ZNF507: variants seen among roughly 807,000 people sequenced by gnomAD.
ZNF507 encodes zinc finger protein 507.
ZNF507 carries 29 observed loss-of-function variants against 80.0 expected under a neutral mutation model. That is an observed-to-expected ratio of 0.36 (90% CI 0.27 to 0.49). The LOEUF (loss-of-function observed/expected upper bound fraction) is 0.49. Ranked by LOEUF, ZNF507 falls within the 20% of genes least tolerant of loss-of-function variation. The pLI, the probability that ZNF507 is intolerant of heterozygous loss-of-function variation, is 0.98. For missense variants in ZNF507, 1,081 were observed against 1,152.2 expected, an observed-to-expected ratio of 0.94 and a Z score of 0.90; for synonymous variants, 462 against 422.5, an observed-to-expected ratio of 1.09 and a Z score of -1.15.
chr19:32,382,686 C>T, intron 6 of ZNF507, 31 bp from the exon 7 acceptor site: 1 of 1,609,644 alleles, frequency 6.2e-7, no homozygotes, highest in South Asian at 1.1e-5. Flanking sequence ...GTAGCCTCCT[C>T]ACGGTGTGCT....
rs1035554188 is a variant in ZNF507 at position 32,371,840 on chromosome 19, CG to C, written c.2361-10626del. ...ATTTTTAGTAGAGACGGGGTTTCAC[CG>C]TGTTAGCCAGGATGGTCTCAATCTC... On this transcript the variant is annotated intron_variant, in intron 5 of 6. Coordinates refer to ENST00000355898, the MANE Select transcript of ZNF507 (RefSeq NM_001136156.2). Among the ~76,000 whole-genome samples the C allele has an allele frequency of 2.4e-4, 36 of 151,846 alleles. 1 individual carries two copies. The highest frequency in any genetic ancestry group is 8.0e-4 in the African/African-American group (33 of 41,432).
intron 5 of ZNF507, among the ~76,000 whole-genome samples, chr19:32,381,404 AG>A (rs984825353): frequency 6.6e-6 from 1 of 152,180 alleles, no homozygotes; most frequent in African/African-American, 2.4e-5. Flanking sequence ...GTTCAAGACC[AG>A]CCTGGACAAC....
In ZNF507 at chr19:32,382,747, AT is replaced by A; in HGVS notation, c.2528del (p.Leu843Ter). The A allele has an allele frequency of 6.2e-7, 1 of 1,613,534 alleles. No homozygotes were observed. Among genetic ancestry groups the A allele is most frequent in the Non-Finnish European group, 8.5e-7 (1 of 1,179,718 alleles). On this transcript the variant is annotated frameshift_variant, in exon 7 of 7. Transcript: ENST00000355898. LOFTEE classifies it high-confidence loss of function. ...VLGKSPGKTQ[L>X]KSSEESADPV... ...TGGGGAAATCCCCTGGAAAGACTCA[AT>A]TAAAGAGCAGTGAAGAGAGTGCAGA...
chr19:32,349,517 GTTAC>G (rs1967135933), intron 2 of ZNF507, among the ~76,000 whole-genome samples: 1 of 152,224 alleles, frequency 6.6e-6, no homozygotes, highest in Non-Finnish European at 1.5e-5. Flanking sequence ...TTTAAATGCT[GTTAC>G]TTTTTAACTT....
intron 5 of ZNF507, among the ~76,000 whole-genome samples, chr19:32,380,009 G>A (rs1412360722): frequency 1.3e-5 from 2 of 152,022 alleles, no homozygotes; most frequent in Non-Finnish European, 2.9e-5. Flanking sequence ...TCTTCAGAGT[G>A]CCATACATAA....
Position 32,382,876 on chromosome 19 carries a change from T to C in ZNF507, c.2655T>C (p.Pro885=). ...CCAACGAGAATGAGAAACTGAGCCC[T>C]ACAAGTAATACCTCATATAGTTTAG... ...LGTNENEKLS[P]TSNTSYSLEK... is the part of the protein sequence containing the mutation. Residue 885 remains proline (P), a synonymous_variant, in exon 7 of 7, where the codon CCT becomes CCC. Coordinates refer to ENST00000355898, the MANE Select transcript of ZNF507 (RefSeq NM_001136156.2). 1 of 1,614,172 alleles carries C rather than the reference T, an allele frequency of 6.2e-7. No homozygotes were observed. The highest frequency in any genetic ancestry group is 8.5e-7 in the Non-Finnish European group (1 of 1,180,022).
At position 32,382,770 on chromosome 19, in the gene ZNF507, C is replaced by G; in HGVS notation, c.2549C>G (p.Ala850Gly). Residue 850 changes from alanine (A) to glycine (G), a missense_variant, in exon 7 of 7, where the codon GCA becomes GGA. Physicochemically the swap from Ala to Gly is moderately conservative, Grantham distance 60. This residue lies in a region of ZNF507 where 138 missense variants were observed against 158.4 expected (regional missense o/e 0.87). Coordinates refer to ENST00000355898, the MANE Select transcript of ZNF507 (RefSeq NM_001136156.2). ...CAATTAAAGAGCAGTGAAGAGAGTG[C>G]AGATCCCGTCACTGGAAGTTCAGAA... ...KTQLKSSEES[A>G]DPVTGSSENA... is the part of the protein sequence containing the mutation. The G allele has an allele frequency of 6.2e-7, 1 of 1,613,932 alleles. No homozygotes were observed. Among genetic ancestry groups the G allele is most frequent in the Non-Finnish European group, 8.5e-7 (1 of 1,179,954 alleles).
At chr19:32,361,666 CTTCCTTCCTTCCTTTCCTTCCTTCCT>C (rs1166882712) in intron 5 of ZNF507, among the ~76,000 whole-genome samples, 1 of 136,998 alleles carries the variant, frequency 7.3e-6, no homozygotes, top group Non-Finnish European at 1.6e-5. Flanking sequence ...TCCTTCTTTT[CTTCCTTCCTTCCTTTCCTTCCTTCCT>C]TTCCTTCCTT....
At chr19:32,375,964 T>C (rs2145339770) in intron 5 of ZNF507, among the ~76,000 whole-genome samples, 1 of 151,332 alleles carries the variant, frequency 6.6e-6, no homozygotes, top group Middle Eastern at 3.4e-3. Context: ...TAAACTGTGT[T>C]CTCAGAAGCT....
At chr19:32,369,944 C>CTG (rs148147046) in intron 5 of ZNF507, among the ~76,000 whole-genome samples, 28 of 151,986 alleles carry the variant, frequency 1.8e-4, no homozygotes, top group African/African-American at 6.3e-4. Flanking sequence ...CCTTCCTTCT[C>CTG]TGTGTGTGTG....
At position 32,382,766 on chromosome 19, in the gene ZNF507, A is replaced by T; in HGVS notation, c.2545A>T (p.Ser849Cys). 1.2e-6 allele frequency: 2 copies of T among 1,614,062 alleles called. No individual in the cohort carries two copies. The highest frequency in any genetic ancestry group is 1.7e-6 in the Non-Finnish European group (2 of 1,179,980). The part of the protein sequence containing the change: ...GKTQLKSSEE[S>C]ADPVTGSSEN... ...GACTCAATTAAAGAGCAGTGAAGAG[A>T]GTGCAGATCCCGTCACTGGAAGTTC... is the stretch of plus-strand genomic sequence containing the variant. The change falls in exon 7 of 7, where the codon AGT becomes TGT. Residue 849 changes from serine to cysteine, a missense_variant. Coordinates refer to ENST00000355898, the MANE Select transcript of ZNF507 (RefSeq NM_001136156.2).
At chr19:32,365,386 GT>G (rs1219953876) in intron 5 of ZNF507, among the ~76,000 whole-genome samples, 1 of 152,128 alleles carries the variant, frequency 6.6e-6, no homozygotes, top group Non-Finnish European at 1.5e-5. Context: ...TGCTTTTGGG[GT>G]TTTGGTCATG....
Position 32,354,959 on chromosome 19 carries a change from T to C in ZNF507, c.2127+2T>C, listed in dbSNP as rs770816830. 4 of 1,593,330 alleles carry C rather than the reference T, an allele frequency of 2.5e-6. No homozygotes were observed. The South Asian group carries it at 3.4e-5, about 14-fold the overall frequency. ...TGTGAAGAATCCTTCCATTATAAGGTAAGCATTGGTTCAGGAAGTCTTTCA... is the reference window on the plus strand; with the variant it reads ...TGTGAAGAATCCTTCCATTATAAGGCAAGCATTGGTTCAGGAAGTCTTTCA... On this transcript the variant is annotated splice_donor_variant, in intron 3 of 6. Coordinates refer to ENST00000355898, the MANE Select transcript of ZNF507 (RefSeq NM_001136156.2). LOFTEE classifies it high-confidence loss of function.
At position 32,352,959 on chromosome 19, in the gene ZNF507, A is replaced by G. The variant is rs1287094549; in HGVS notation, c.129A>G (p.Pro43=). Residue 43 remains proline, a synonymous_variant, in exon 3 of 7, where the codon CCA becomes CCG. Transcript: ENST00000355898. ...AACAAAGAAAAACTAAACCAGATCC[A>G]TTAATCCATGTTATCCAGAAGTTAA... ...IDEQRKTKPD[P]LIHVIQKLSK... 1.2e-6 allele frequency: 2 copies of G among 1,614,202 alleles called. No homozygotes were observed. Among genetic ancestry groups the G allele is most frequent in the Non-Finnish European group, 8.5e-7 (1 of 1,180,052 alleles).
chr19:32,375,600 T>C (rs1967536237), intron 5 of ZNF507, among the ~76,000 whole-genome samples: 1 of 151,632 alleles, frequency 6.6e-6, no homozygotes, highest in Non-Finnish European at 1.5e-5. Flanking sequence ...CTCATTTGGA[T>C]CCTAATTTGA....
At chr19:32,371,740 C>A (rs905254452) in intron 5 of ZNF507, among the ~76,000 whole-genome samples, 2 of 150,606 alleles carry the variant, frequency 1.3e-5, no homozygotes, top group South Asian at 4.2e-4. Flanking sequence ...CCCAGGTTCA[C>A]GCCATTCTCC....
chr19:32,354,555 AGATGGGCAG>A lies in ZNF507; in HGVS notation c.1727_1735del (p.Asp576_Gln578del), dbSNP rs757638419. ...TCCCAGAGGGTAGGCAGGAATTGTCAGATGGGCAGGTTAAGACAGGCATCAGCATGTCCT... is the reference window on the plus strand; with the variant it reads ...TCCCAGAGGGTAGGCAGGAATTGTCAGTTAAGACAGGCATCAGCATGTCCT... On this transcript the variant is annotated inframe_deletion, in exon 3 of 7. Coordinates refer to ENST00000355898, the MANE Select transcript of ZNF507 (RefSeq NM_001136156.2). 2 of 1,614,200 alleles carry A rather than the reference AGATGGGCAG, an allele frequency of 1.2e-6. No individual in the cohort carries two copies. The highest frequency in any genetic ancestry group is 3.3e-5 in the Admixed American group (2 of 60,016).
chr19:32,377,984 C>G (rs1357482700), intron 5 of ZNF507, among the ~76,000 whole-genome samples: 1 of 152,108 alleles, frequency 6.6e-6, no homozygotes, highest in Admixed American at 6.5e-5. Context: ...AAAAAAACAG[C>G]AGACAGCCCC....
chr19:32,352,920 A>T lies in ZNF507; in HGVS notation c.90A>T (p.Ser30=). Residue 30 remains serine (S), a synonymous_variant, in exon 3 of 7, where the codon TCA becomes TCT. Transcript: ENST00000355898. ...CTGCTGAAAGTATCATCAGTCCTTCATTGGAAATTGATGAACAAAGAAAAA... is the reference window on the plus strand; with the variant it reads ...CTGCTGAAAGTATCATCAGTCCTTCTTTGGAAATTGATGAACAAAGAAAAA... ...ILTAESIISP[S]LEIDEQRKTK... is the part of the protein sequence containing the mutation. 6.2e-7 allele frequency: 1 copy of T among 1,614,128 alleles called. No individual in the cohort carries two copies. The highest frequency in any genetic ancestry group is 1.1e-5 in the South Asian group (1 of 91,040).
Sources: allele counts gnomAD v4.1 joint callset (sites outside exome capture counted in the v4.1 genomes callset), GRCh38; gene constraint gnomAD v4.1.1; regional missense constraint gnomAD v4.1.1; transcripts MANE v1.5; gene names NCBI Gene and HGNC (gene_info 2026-07-23, HGNC 2026-07-21).